The following SNX10 variants were observed in gnomAD, a reference collection of about 807,000 sequenced individuals.
SNX10 encodes sorting nexin 10.
A neutral mutation model predicts 28.5 loss-of-function variants in SNX10; 25 were observed. The observed-to-expected ratio is 0.88, with a 90% CI of 0.64 to 1.22. The LOEUF is 1.22. Ranked by LOEUF, SNX10 falls within the 50% of genes most tolerant of loss-of-function variation. SNX10 has a pLI of 0.00. For missense variants in SNX10, 223 were observed against 242.6 expected (o/e 0.92, Z 0.54); for synonymous variants, 62 against 81.4 (o/e 0.76, Z 1.28).
intron 1 of SNX10, among the ~76,000 whole-genome samples, chr7:26,341,455 C>T (rs1183062322): frequency 6.6e-6 from 1 of 151,540 alleles, no homozygotes; most frequent in Non-Finnish European, 1.5e-5. Flanking sequence ...GATATCCATA[C>T]TTGGCATAAC....
chr7:26,372,353 G>A, intron 6 of SNX10, 138 bp from the exon 7 acceptor site: 1 of 679,080 alleles, frequency 1.5e-6, no homozygotes, highest in South Asian at 1.8e-5. Flanking sequence ...CACTCCAAAT[G>A]GCTAATTAAA....
chr7:26,345,856 T>G (rs1263822524), intron 1 of SNX10, among the ~76,000 whole-genome samples: 2 of 152,060 alleles, frequency 1.3e-5, no homozygotes, highest in African/African-American at 4.8e-5. Flanking sequence ...CCCAGAGACA[T>G]GCAGGGCCTG....
At chr7:26,328,566 A>G (rs1265955790) in intron 1 of SNX10, among the ~76,000 whole-genome samples, 2 of 152,158 alleles carry the variant, frequency 1.3e-5, no homozygotes, top group African/African-American at 4.8e-5. Flanking sequence ...GAGGGCTGCC[A>G]GTGGCCCACT....
chr7:26,311,436 G>T (rs1459203725), intron 1 of SNX10, among the ~76,000 whole-genome samples: 1 of 152,180 alleles, frequency 6.6e-6, no homozygotes, highest in Non-Finnish European at 1.5e-5. Context: ...CTGGCCAGTG[G>T]CTTAAAATTT....
chr7:26,299,230 C>G (rs1239104958), intron 1 of SNX10, among the ~76,000 whole-genome samples: 1 of 151,940 alleles, frequency 6.6e-6, no homozygotes, highest in Non-Finnish European at 1.5e-5. Context: ...GAGTCTCGCT[C>G]TGTTGCCCAG....
chr7:26,357,327 T>TAA (rs372771552), intron 2 of SNX10, among the ~76,000 whole-genome samples: 39,089 of 108,964 alleles, frequency 0.36, 7,429 homozygotes, highest in East Asian at 0.61. Context: ...AAGAGAAGAT[T>TAA]AAAAAAAAAA....
At chr7:26,332,163 C>T (rs1787773120) in intron 1 of SNX10, among the ~76,000 whole-genome samples, 1 of 152,192 alleles carries the variant, frequency 6.6e-6, no homozygotes, top group South Asian at 2.1e-4. Context: ...AACTGCCAGA[C>T]TTTTCGCAAG....
intron 2 of SNX10, among the ~76,000 whole-genome samples, chr7:26,351,645 G>C (rs1341538657): frequency 1.5e-5 from 2 of 132,550 alleles, no homozygotes; most frequent in Non-Finnish European, 3.1e-5. Flanking sequence ...CAAGCAGTCT[G>C]GTTTTTTTTT....
At chr7:26,329,973 A>G (rs1787672747) in intron 1 of SNX10, among the ~76,000 whole-genome samples, 1 of 152,122 alleles carries the variant, frequency 6.6e-6, no homozygotes, top group Non-Finnish European at 1.5e-5. Context: ...AGGGTGGGTC[A>G]GGGCTCTAGT....
chr7:26,300,254 T>C (rs556383186), intron 1 of SNX10, among the ~76,000 whole-genome samples: 1 of 152,186 alleles, frequency 6.6e-6, no homozygotes, highest in Admixed American at 6.5e-5. Context: ...TAATAATTTT[T>C]TTTTTTTTGG....
chr7:26,329,031 C>G (rs1352119985), intron 1 of SNX10, among the ~76,000 whole-genome samples: 1 of 152,216 alleles, frequency 6.6e-6, no homozygotes, highest in Non-Finnish European at 1.5e-5. Flanking sequence ...ACAGGTCTCC[C>G]TGCTTCTGCT....
At chr7:26,341,500 T>G (rs1584141409) in intron 1 of SNX10, among the ~76,000 whole-genome samples, 1 of 10,534 alleles carries the variant, frequency 9.5e-5, no homozygotes, top group African/African-American at 5.7e-4. Context: ...TCTATGTGCA[T>G]TTTTTTTTTT....
At position 26,354,617 on chromosome 7, in the gene SNX10, G is replaced by C. The variant is rs1788743379; in HGVS notation, c.25-6358G>C. Among the ~76,000 whole-genome samples the C allele has an allele frequency of 2.0e-5, 3 of 152,184 alleles. No homozygotes were observed. In the South Asian group the frequency reaches 6.2e-4, roughly 31 times the overall value. On this transcript the variant is annotated intron_variant, in intron 2 of 6. Transcript: ENST00000338523. ...GCTGGTCTTGAACTCCTGAGCTCAAGTGATCCTCCCACCTTGGCCTCCCAA... is the reference window on the plus strand; with the variant it reads ...GCTGGTCTTGAACTCCTGAGCTCAACTGATCCTCCCACCTTGGCCTCCCAA...
rs186533676 is a variant in SNX10 at position 26,337,328 on chromosome 7, C to T, written c.-23-9092C>T. 2.6e-5 allele frequency among the ~76,000 whole-genome samples: 4 copies of T among 152,260 alleles called. No homozygotes were observed. In the East Asian group the frequency reaches 7.7e-4, roughly 29 times the overall value. ...CACCATACTAGTGTATAGACCTTAC[C>T]ACTTTTTAAATGTACACTTCAGTAG... On this transcript the variant is annotated intron_variant, in intron 1 of 6. Transcript: ENST00000338523.
Position 26,364,952 on chromosome 7 carries a change from T to G in SNX10, c.213-95T>G. ...TTATAGAATAACTGTGTGATAATAATCATCATACATAATTTGCCTTCACTT... is the reference window on the plus strand; with the variant it reads ...TTATAGAATAACTGTGTGATAATAAGCATCATACATAATTTGCCTTCACTT... On this transcript the variant is annotated intron_variant, in intron 4 of 6. Transcript: ENST00000338523. This position sits in a 1 kb window ranked among gnomAD's most constrained non-coding sequence, Gnocchi z 4.9. 1 of 695,558 alleles carries G rather than the reference T, an allele frequency of 1.4e-6. No individual in the cohort carries two copies. The highest frequency in any genetic ancestry group is 1.7e-5 in the South Asian group (1 of 60,414). 43.1% of individuals were successfully genotyped at this position (695,558 alleles called of 1,614,324 possible).
At chr7:26,322,073 T>C (rs1418352986) in intron 1 of SNX10, among the ~76,000 whole-genome samples, 4 of 152,190 alleles carry the variant, frequency 2.6e-5, no homozygotes, top group Non-Finnish European at 5.9e-5. Context: ...CTTTTGAACA[T>C]GATCCAGTGA....
intron 1 of SNX10, among the ~76,000 whole-genome samples, chr7:26,325,184 C>T (rs904530444): frequency 6.6e-6 from 1 of 150,994 alleles, no homozygotes; most frequent in Non-Finnish European, 1.5e-5. Flanking sequence ...TTCAAAATGT[C>T]CTAAGGATTT....
chr7:26,361,962 C>T (rs1360146893), intron 3 of SNX10, among the ~76,000 whole-genome samples: 3 of 152,178 alleles, frequency 2.0e-5, no homozygotes, highest in Non-Finnish European at 2.9e-5. Flanking sequence ...AGATTGTATC[C>T]GTGACTTCAT....
At chr7:26,359,767 G>A (rs1414980394) in intron 2 of SNX10, among the ~76,000 whole-genome samples, 6 of 151,898 alleles carry the variant, frequency 4.0e-5, no homozygotes, top group Middle Eastern at 3.4e-3. Context: ...GAGTTAAAGC[G>A]ATTCTCCTGC....
Sources: allele counts gnomAD v4.1 joint callset (sites outside exome capture counted in the v4.1 genomes callset), GRCh38; gene constraint gnomAD v4.1.1; non-coding constraint Gnocchi (gnomAD v3.1); transcripts MANE v1.5; gene names NCBI Gene and HGNC (gene_info 2026-07-23, HGNC 2026-07-21).